The following TMEM70 variants were observed in gnomAD, a reference collection of about 807,000 sequenced individuals.
The protein encoded by TMEM70 is transmembrane protein 70, also known as transmembrane protein 70, mitochondrial.
In TMEM70, 15 loss-of-function variants were observed where a neutral mutation model predicts 20.5. That is an observed-to-expected ratio of 0.73 (90% CI 0.49 to 1.13). The LOEUF (loss-of-function observed/expected upper bound fraction) is 1.13. Ranked by LOEUF, TMEM70 falls within the 50% of genes most tolerant of loss-of-function variation. The pLI, the probability that TMEM70 is intolerant of heterozygous loss-of-function variation, is 0.00. For synonymous variants in TMEM70, 141 were observed against 134.2 expected (o/e 1.05, Z -0.35); for missense variants, 344 against 331.7 (o/e 1.04, Z -0.29).
chr8:73,978,019 C>A (rs555150754), intron 1 of TMEM70, among the ~76,000 whole-genome samples: 9 of 152,268 alleles, frequency 5.9e-5, no homozygotes, highest in African/African-American at 1.9e-4. Context: ...CAATTTATTT[C>A]TTTAACTCTG....
Position 73,981,441 on chromosome 8 carries a change from G to A in TMEM70, c.603G>A (p.Lys201=). ...TSTVFHQNDV[K]IPDAKHVFTT... is the part of the protein sequence containing the mutation. ...CAGTGTTTCACCAGAATGATGTGAAGATTCCAGATGCTAAACATGTATTTA... is the reference window on the plus strand; with the variant it reads ...CAGTGTTTCACCAGAATGATGTGAAAATTCCAGATGCTAAACATGTATTTA... The change falls in exon 3 of 3, where the codon AAG becomes AAA. Residue 201 remains lysine, a synonymous_variant. Transcript: ENST00000312184. The A allele has an allele frequency of 1.2e-6, 2 of 1,614,224 alleles. No homozygotes were observed. Among genetic ancestry groups the A allele is most frequent in the Non-Finnish European group, 1.7e-6 (2 of 1,180,046 alleles).
In TMEM70 at chr8:73,982,710, G is replaced by C. The variant is rs1815844197; in HGVS notation, c.*1089G>C. 1 of 456,190 alleles carries C rather than the reference G, an allele frequency of 2.2e-6. No individual in the cohort carries two copies. The highest frequency in any genetic ancestry group is 4.4e-6 in the Non-Finnish European group (1 of 228,236). 28.3% of individuals were successfully genotyped at this position (456,190 alleles called of 1,614,324 possible). A position where few individuals can be genotyped will look rare whatever the true frequency, so the allele number is the denominator to read the frequency against. On this transcript the variant is annotated 3_prime_UTR_variant, in exon 3 of 3. Coordinates refer to ENST00000312184, the MANE Select transcript of TMEM70 (RefSeq NM_017866.6). ...GTCTTCAGTATCTTAATTTGTTTCT[G>C]CAACTGTGCACTCCTCCCTTGGTGG...
chr8:73,978,649 C>T lies in TMEM70; in HGVS notation c.211-107C>T. On this transcript the variant is annotated intron_variant, in intron 1 of 2. Coordinates refer to ENST00000312184, the MANE Select transcript of TMEM70 (RefSeq NM_017866.6). ...AGGTTGCAATGGTGAGCTGAGATCG[C>T]ACCACTGCCCTCCAGTCTGGGAGAC... The T allele has an allele frequency of 6.9e-6, 8 of 1,162,792 alleles. No individual in the cohort carries two copies. In the South Asian group the frequency reaches 1.1e-4, roughly 16 times the overall value. The allele number at this position is 1,162,792 out of a possible 1,614,324, so 72.0% of individuals were successfully genotyped here. A position where few individuals can be genotyped will look rare whatever the true frequency, so the allele number is the denominator to read the frequency against.
rs370994793 is a variant in TMEM70, at chr8:73,976,497, G to T, written c.210+6G>T. On this transcript the variant is annotated splice_donor_region_variant and intron_variant, in intron 1 of 2. Coordinates refer to ENST00000312184, the MANE Select transcript of TMEM70 (RefSeq NM_017866.6). ...GGCGTCCGGGTCGAGCGCAGGTAGG[G>T]CGTCCGAGGTCTGGTGTCCCAAGTG... 6.6e-7 allele frequency: 1 copy of T among 1,520,068 alleles called. No individual in the cohort carries two copies. The allele number at this position is 1,520,068 out of a possible 1,614,324, so 94.2% of individuals were successfully genotyped here. A position where few individuals can be genotyped will look rare whatever the true frequency, so the allele number is the denominator to read the frequency against.
Position 73,978,817 on chromosome 8 carries a change from A to T in TMEM70, c.272A>T (p.Asp91Val). ...AATACGCCATCTGACAAATCAGAAG[A>T]TGGAAGGCTAATTTATACTGGCAAT... ...FLNTPSDKSE[D>V]GRLIYTGNMA... Residue 91 changes from aspartate to valine, a missense_variant, in exon 2 of 3, where the codon GAT becomes GTT. Physicochemically the swap from Asp to Val is radical, Grantham distance 152. Transcript: ENST00000312184. The T allele has an allele frequency of 2.5e-6, 4 of 1,614,148 alleles. No homozygotes were observed. Among genetic ancestry groups the T allele is most frequent in the Middle Eastern group, 1.6e-4 (1 of 6,062 alleles).
chr8:73,979,861 T>C (rs1768783067), intron 2 of TMEM70, among the ~76,000 whole-genome samples: 1 of 152,106 alleles, frequency 6.6e-6, no homozygotes, highest in Non-Finnish European at 1.5e-5. Flanking sequence ...TGATAACTCA[T>C]TACCATCAGA....
Position 73,981,450 on chromosome 8 carries a change from T to G in TMEM70, c.612T>G (p.Asp204Glu). ...VFHQNDVKIPDAKHVFTTFYA... is the reference protein window; with the variant it reads ...VFHQNDVKIPEAKHVFTTFYA... ...ACCAGAATGATGTGAAGATTCCAGATGCTAAACATGTATTTACCACATTTT... is the reference window on the plus strand; with the variant it reads ...ACCAGAATGATGTGAAGATTCCAGAGGCTAAACATGTATTTACCACATTTT... The change falls in exon 3 of 3, where the codon GAT becomes GAG. Residue 204 changes from aspartate to glutamate, a missense_variant. Coordinates refer to ENST00000312184, the MANE Select transcript of TMEM70 (RefSeq NM_017866.6). 1 of 1,614,206 alleles carries G rather than the reference T, an allele frequency of 6.2e-7. No homozygotes were observed. Among genetic ancestry groups the G allele is most frequent in the Non-Finnish European group, 8.5e-7 (1 of 1,180,032 alleles).
chr8:73,979,355 G>T lies in TMEM70; in HGVS notation c.316+494G>T, dbSNP rs1815733331. The stretch of plus-strand genomic sequence containing the variant: ...CTATTATGTTTTAATATTTCGAAGG[G>T]GTAACTTCCCCTCATTGCTTTATTT... On this transcript the variant is annotated intron_variant, in intron 2 of 2. Coordinates refer to ENST00000312184, the MANE Select transcript of TMEM70 (RefSeq NM_017866.6). Among the ~76,000 whole-genome samples the T allele has an allele frequency of 1.3e-5, 2 of 151,882 alleles. No individual in the cohort carries two copies.
At chr8:73,977,274 C>T (rs1184749609) in intron 1 of TMEM70, among the ~76,000 whole-genome samples, 1 of 152,082 alleles carries the variant, frequency 6.6e-6, no homozygotes, top group African/African-American at 2.4e-5. Flanking sequence ...CTCCGCCTTC[C>T]GGGTTCAAGC....
At position 73,981,177 on chromosome 8, in the gene TMEM70, T is replaced by C. The variant is rs775701221; in HGVS notation, c.339T>C (p.Ser113=). Residue 113 remains serine, a synonymous_variant, in exon 3 of 3, where the codon TCT becomes TCC. Coordinates refer to ENST00000312184, the MANE Select transcript of TMEM70 (RefSeq NM_017866.6). ...AVFGVKCFSY[S]TSLIGLTFLP... ...TAGGTGTGAAATGTTTCTCTTATTC[T>C]ACGAGTCTGATTGGCCTTACATTTC... is the stretch of plus-strand genomic sequence containing the variant. 8.1e-6 allele frequency: 13 copies of C among 1,614,062 alleles called. No homozygotes were observed. The highest frequency in any genetic ancestry group is 1.0e-5 in the Non-Finnish European group (12 of 1,179,948).
Position 73,981,487 on chromosome 8 carries a change from A to G in TMEM70, c.649A>G (p.Lys217Glu), listed in dbSNP as rs750215839. ...ATTTACCACATTTTATGCTAAAACA[A>G]AATCACTGTTAGTTAATCCAGTGCT... ...HVFTTFYAKTKSLLVNPVLFP... is the reference protein window; with the variant it reads ...HVFTTFYAKTESLLVNPVLFP... The change falls in exon 3 of 3, where the codon AAA (lysine) becomes GAA (glutamate). Residue 217 changes from lysine (K) to glutamate (E), a missense_variant. Physicochemically the swap from Lys to Glu is moderately conservative, Grantham distance 56 (BLOSUM62 1). Transcript: ENST00000312184. The G allele has an allele frequency of 3.7e-6, 6 of 1,614,006 alleles. No individual in the cohort carries two copies. Among genetic ancestry groups the G allele is most frequent in the Non-Finnish European group, 4.2e-6 (5 of 1,179,992 alleles).
chr8:73,976,466 T>G lies in TMEM70; in HGVS notation c.185T>G (p.Leu62Arg). Residue 62 changes from leucine to arginine, a missense_variant, in exon 1 of 3, where the codon CTT becomes CGT. Transcript: ENST00000312184. The part of the protein sequence containing the change: ...WSTGPSGAAR[L>R]LRRPGRAQIP... ...ACGGGGCCTTCGGGAGCCGCGCGCC[T>G]TCTCCGGCGTCCGGGTCGAGCGCAG... 2 of 1,545,624 alleles carry G rather than the reference T, an allele frequency of 1.3e-6. No individual in the cohort carries two copies. The highest frequency in any genetic ancestry group is 1.4e-5 in the African/African-American group (1 of 73,482).
chr8:73,982,260 A>G lies in TMEM70; in HGVS notation c.*639A>G. On this transcript the variant is annotated 3_prime_UTR_variant, in exon 3 of 3. Coordinates refer to ENST00000312184, the MANE Select transcript of TMEM70 (RefSeq NM_017866.6). ...TGACTTGATCTGAGGAGCAAAGGAA[A>G]AGAATCAGTGAAAGGACCAGTTTGA... 1.7e-6 allele frequency: 1 copy of G among 599,346 alleles called. No homozygotes were observed. The highest frequency in any genetic ancestry group is 1.4e-5 in the South Asian group (1 of 72,902). 37.1% of individuals were successfully genotyped at this position (599,346 alleles called of 1,614,324 possible).
At chr8:73,977,161 G>A (rs1485659254) in intron 1 of TMEM70, among the ~76,000 whole-genome samples, 2 of 152,168 alleles carry the variant, frequency 1.3e-5, no homozygotes, top group African/African-American at 4.8e-5. Context: ...CTTGAAATTT[G>A]ATGTAGGATT....
intron 1 of TMEM70, among the ~76,000 whole-genome samples, chr8:73,977,212 C>T (rs1815672401): frequency 1.3e-5 from 2 of 152,064 alleles, no homozygotes; most frequent in South Asian, 4.1e-4. Context: ...GGTGAAGTCT[C>T]GCTCTGTCAC....
chr8:73,978,654 C>G (rs534664640), intron 1 of TMEM70, 102 bp from the exon 2 acceptor site: 2 of 1,219,216 alleles, frequency 1.6e-6, no homozygotes, highest in Non-Finnish European at 2.3e-6. Flanking sequence ...GATCGCACCA[C>G]TGCCCTCCAG....
intron 2 of TMEM70, 23 bp from the exon 3 acceptor site, chr8:73,981,132 C>A (rs780958488): frequency 6.4e-7 from 1 of 1,568,866 alleles, no homozygotes; most frequent in South Asian, 1.1e-5. Flanking sequence ...AGTATTGATC[C>A]TCTCTCTTTT....
At position 73,982,583 on chromosome 8, in the gene TMEM70, C is replaced by T. The variant is rs560167771; in HGVS notation, c.*962C>T. On this transcript the variant is annotated 3_prime_UTR_variant, in exon 3 of 3. Coordinates refer to ENST00000312184, the MANE Select transcript of TMEM70 (RefSeq NM_017866.6). ...GAGCAGTTTTAAGTCTTCTTTGGTTCAGAACACAGGTTTTTGCCTAACCCC... is the reference window on the plus strand; with the variant it reads ...GAGCAGTTTTAAGTCTTCTTTGGTTTAGAACACAGGTTTTTGCCTAACCCC... 1.3e-4 allele frequency: 65 copies of T among 490,566 alleles called. No individual in the cohort carries two copies. The highest frequency in any genetic ancestry group is 8.8e-4 in the South Asian group (57 of 64,970). The allele number at this position is 490,566 out of a possible 1,614,324, so 30.4% of individuals were successfully genotyped here.
At chr8:73,976,540 G>A in intron 1 of TMEM70, 49 bp downstream of exon 1, 1 of 1,457,882 alleles carries the variant, frequency 6.9e-7, no homozygotes, top group Non-Finnish European at 9.1e-7. Flanking sequence ...GAGGGCGGGC[G>A]TCGTGTCGGG....
Sources: gnomAD v4.1 joint callset for allele counts (sites outside exome capture counted in the v4.1 genomes callset) on GRCh38, gnomAD v4.1.1 for gene constraint, MANE v1.5 for transcripts, NCBI Gene and HGNC (gene_info 2026-07-23, HGNC 2026-07-21) for gene names.